The following MBD5 variants were observed in gnomAD, a reference collection of about 807,000 sequenced individuals.
MBD5 encodes the protein methyl-CpG-binding domain protein 5.
In MBD5, 13 loss-of-function variants were observed where a neutral mutation model predicts 117.3. The observed-to-expected ratio is 0.11, with a 90% CI of 0.07 to 0.18. The LOEUF (loss-of-function observed/expected upper bound fraction) is 0.18, where lower values mean the gene tolerates loss of function less well. Ranked by LOEUF, MBD5 falls within the 10% of genes least tolerant of loss-of-function variation. The pLI is 1.00. For synonymous variants in MBD5, 727 were observed against 766.4 expected, an observed-to-expected ratio of 0.95 and a Z score of 0.85; for missense variants, 1,879 against 2,093.8, an observed-to-expected ratio of 0.90 and a Z score of 2.00.
intron 2 of MBD5, among the ~76,000 whole-genome samples, chr2:148,224,563 G>T (rs1196569580): frequency 1.9e-5 from 2 of 107,022 alleles, no homozygotes; most frequent in African/African-American, 7.4e-5. Context: ...GTTTCACCAT[G>T]TTGCCCAGGC....
intron 1 of MBD5, among the ~76,000 whole-genome samples, chr2:148,154,056 C>T (rs1360027423): frequency 1.9e-4 from 16 of 85,498 alleles, no homozygotes; most frequent in Non-Finnish European, 3.6e-4. Context: ...CTGTTTTTTC[C>T]CCATCTTTGT....
At chr2:148,060,063 A>G (rs1694984455) in intron 1 of MBD5, among the ~76,000 whole-genome samples, 1 of 132,194 alleles carries the variant, frequency 7.6e-6, no homozygotes, top group Admixed American at 9.1e-5. Flanking sequence ...AAGCAGGTGG[A>G]TGGCTTGAGT....
intron 4 of MBD5, among the ~76,000 whole-genome samples, chr2:148,439,565 G>A (rs906415937): frequency 1.1e-4 from 16 of 152,092 alleles, no homozygotes; most frequent in African/African-American, 3.9e-4. Flanking sequence ...CATTTTAATT[G>A]CAGAAATCTT....
At chr2:148,250,758 G>T (rs1164741326) in intron 3 of MBD5, among the ~76,000 whole-genome samples, 1 of 152,116 alleles carries the variant, frequency 6.6e-6, no homozygotes, top group African/African-American at 2.4e-5. Flanking sequence ...TAAGAGAAAT[G>T]TTATTATTCT....
chr2:148,393,520 C>G (rs1385001736), intron 4 of MBD5: 6 of 152,032 alleles, frequency 3.9e-5, no homozygotes, highest in African/African-American at 1.4e-4. Context: ...TGAAACCATA[C>G]TAAGAAACAG....
chr2:148,159,216 C>G (rs1038008839), intron 1 of MBD5, among the ~76,000 whole-genome samples: 2 of 152,182 alleles, frequency 1.3e-5, no homozygotes, highest in African/African-American at 2.4e-5. Context: ...GCTGTTATTC[C>G]TCTATGCCAC....
At chr2:148,510,036 G>A (rs2105278219) in intron 12 of MBD5, 24 bp from the exon 13 acceptor site, 1 of 1,522,266 alleles carries the variant, frequency 6.6e-7, no homozygotes, top group Non-Finnish European at 9.1e-7. Context: ...TTTTAATCTG[G>A]TGTGTTGTTT....
At chr2:148,153,158 T>A (rs1486778507) in intron 1 of MBD5, among the ~76,000 whole-genome samples, 4 of 151,576 alleles carry the variant, frequency 2.6e-5, no homozygotes, top group Non-Finnish European at 2.9e-5. Context: ...CTCTCAGCAT[T>A]TGCTTGTCTG....
chr2:148,080,120 A>C (rs1695614184), intron 1 of MBD5, among the ~76,000 whole-genome samples: 1 of 152,216 alleles, frequency 6.6e-6, no homozygotes, highest in Non-Finnish European at 1.5e-5. Flanking sequence ...AAGGAAGTTT[A>C]GGATTAAGGT....
chr2:148,417,335 TG>T (rs1705454874), intron 4 of MBD5, among the ~76,000 whole-genome samples: 1 of 149,692 alleles, frequency 6.7e-6, no homozygotes, highest in Non-Finnish European at 1.5e-5. Flanking sequence ...GATGGGGTTT[TG>T]CTATGTTACC....
intron 4 of MBD5, chr2:148,346,187 G>A (rs954493275): frequency 2.2e-5 from 3 of 139,342 alleles, no homozygotes; most frequent in Non-Finnish European, 4.8e-5. Context: ...AACTCTATTT[G>A]AAAAGAAGAA....
chr2:148,344,099 A>C (rs1262466628), intron 4 of MBD5, among the ~76,000 whole-genome samples: 2 of 151,786 alleles, frequency 1.3e-5, no homozygotes, highest in Non-Finnish European at 2.9e-5. Flanking sequence ...AATTTTGTCA[A>C]CTTTGTCAAA....
intron 3 of MBD5, among the ~76,000 whole-genome samples, chr2:148,313,400 G>A (rs1702082449): frequency 6.6e-6 from 1 of 152,194 alleles, no homozygotes; most frequent in East Asian, 1.9e-4. Context: ...GCTTTGCCAA[G>A]CTGTGGTGGG....
chr2:148,507,837 G>GT (rs1252400984), intron 12 of MBD5, among the ~76,000 whole-genome samples: 1 of 151,766 alleles, frequency 6.6e-6, no homozygotes, highest in Non-Finnish European at 1.5e-5. Context: ...AAGATTAAAT[G>GT]TGAGAGAACC....
intron 4 of MBD5, among the ~76,000 whole-genome samples, chr2:148,391,547 CA>C (rs1369825543): frequency 6.6e-6 from 1 of 152,078 alleles, no homozygotes; most frequent in Non-Finnish European, 1.5e-5. Context: ...CTTTTGACAT[CA>C]TATATTTCAC....
chr2:148,200,658 G>C (rs181718762), intron 2 of MBD5, among the ~76,000 whole-genome samples: 1 of 146,836 alleles, frequency 6.8e-6, no homozygotes, highest in African/African-American at 2.5e-5. Flanking sequence ...ACGCCACTTC[G>C]CTCCAGCCTG....
chr2:148,079,848 C>G (rs1695601784), intron 1 of MBD5, among the ~76,000 whole-genome samples: 1 of 141,760 alleles, frequency 7.1e-6, no homozygotes, highest in Admixed American at 7.3e-5. Context: ...CAGAGGGAGA[C>G]TCTGTCTAAA....
At chr2:148,332,028 A>G (rs535462735) in intron 3 of MBD5, among the ~76,000 whole-genome samples, 1 of 152,262 alleles carries the variant, frequency 6.6e-6, no homozygotes, top group East Asian at 1.9e-4. Flanking sequence ...GAAAGAAGAA[A>G]TTTGCAAATT....
chr2:148,148,641 GTTC>G (rs1309754771), intron 1 of MBD5, among the ~76,000 whole-genome samples: 3 of 151,726 alleles, frequency 2.0e-5, no homozygotes, highest in Non-Finnish European at 4.4e-5. Context: ...AGATGTTTTT[GTTC>G]TTCTTCCTTT....
Sources: allele counts gnomAD v4.1 joint callset (sites outside exome capture counted in the v4.1 genomes callset), GRCh38; gene constraint gnomAD v4.1.1; transcripts MANE v1.5; gene names NCBI Gene and HGNC (gene_info 2026-07-23, HGNC 2026-07-21).